Variants in SLC1A3 observed in about 807,000 individuals in gnomAD.
SLC1A3 encodes the protein solute carrier family 1 member 3, also known as excitatory amino acid transporter 1.
In SLC1A3, 21 loss-of-function variants were observed where a neutral mutation model predicts 48.1. That is an observed-to-expected ratio of 0.44 (90% CI 0.31 to 0.63). The LOEUF (loss-of-function observed/expected upper bound fraction) is 0.63, where lower values mean the gene tolerates loss of function less well. SLC1A3 is among the 20% of genes least tolerant of loss of function. The pLI is 0.08. For missense variants in SLC1A3, 546 were observed against 689.0 expected (o/e 0.79, Z 2.32); for synonymous variants, 239 against 251.4 (o/e 0.95, Z 0.47).
intron 3 of SLC1A3, among the ~76,000 whole-genome samples, chr5:36,654,657 A>G (rs1040167616): frequency 2.6e-5 from 4 of 152,172 alleles, no homozygotes; most frequent in Non-Finnish European, 5.9e-5. Context: ...AGCATCTGCC[A>G]TATGTCTTCA....
chr5:36,596,864 C>T (rs868130546), intron 1 of SLC1A3, among the ~76,000 whole-genome samples: 36 of 152,162 alleles, frequency 2.4e-4, no homozygotes, highest in African/African-American at 8.4e-4. Flanking sequence ...ACAGGTCTTC[C>T]TCTAATGGAA....
intron 3 of SLC1A3, among the ~76,000 whole-genome samples, chr5:36,658,600 T>C (rs1741377879): frequency 6.6e-6 from 1 of 152,208 alleles, no homozygotes; most frequent in Non-Finnish European, 1.5e-5. Flanking sequence ...TTTAGATTTC[T>C]AAGCAGTTTT....
chr5:36,676,837 A>G, intron 5 of SLC1A3, 55 bp from the exon 6 acceptor site: 2 of 1,384,392 alleles, frequency 1.4e-6, no homozygotes, highest in Admixed American at 2.2e-5. Context: ...ATAGGAAAAT[A>G]TAAAGAAAAA....
chr5:36,652,543 A>T (rs560656211), intron 3 of SLC1A3, among the ~76,000 whole-genome samples: 2 of 152,340 alleles, frequency 1.3e-5, no homozygotes, highest in Non-Finnish European at 2.9e-5. Flanking sequence ...CATCCTCTGC[A>T]TCAATAACAG....
intron 3 of SLC1A3, among the ~76,000 whole-genome samples, chr5:36,640,409 T>C (rs1305453525): frequency 1.3e-5 from 2 of 152,256 alleles, no homozygotes; most frequent in Non-Finnish European, 2.9e-5. Flanking sequence ...CATCAACTTC[T>C]ATACTACCAG....
At chr5:36,616,568 T>C (rs1739444793) in intron 2 of SLC1A3, among the ~76,000 whole-genome samples, 2 of 152,198 alleles carry the variant, frequency 1.3e-5, no homozygotes, top group Admixed American at 1.3e-4. Context: ...GTTTCCAGGC[T>C]ACAAACTGCT....
intron 3 of SLC1A3, among the ~76,000 whole-genome samples, chr5:36,665,584 T>C (rs961263790): frequency 6.6e-6 from 1 of 152,256 alleles, no homozygotes; most frequent in Non-Finnish European, 1.5e-5. Flanking sequence ...TAATAAGTAA[T>C]AATAACACCT....
intron 3 of SLC1A3, among the ~76,000 whole-genome samples, chr5:36,641,282 A>G (rs1019359818): frequency 1.3e-5 from 2 of 152,190 alleles, no homozygotes; most frequent in Non-Finnish European, 2.9e-5. Flanking sequence ...CAATTCTAAA[A>G]TGTATTGTAG....
intron 7 of SLC1A3, 60 bp from the exon 8 acceptor site, chr5:36,680,335 G>A (rs1436266924): frequency 9.1e-6 from 13 of 1,428,648 alleles, no homozygotes; most frequent in Non-Finnish European, 1.3e-5. Context: ...AAGACCAAAC[G>A]CACAGACAGT....
At chr5:36,644,014 A>AAAATAAAT (rs57649957) in intron 3 of SLC1A3, among the ~76,000 whole-genome samples, 133 of 101,786 alleles carry the variant, frequency 1.3e-3, no homozygotes, top group African/African-American at 3.1e-3. Context: ...TCCGTCTCAA[A>AAAATAAAT]AAATAAATAA....
intron 3 of SLC1A3, among the ~76,000 whole-genome samples, chr5:36,656,453 C>T (rs1741289269): frequency 6.6e-6 from 1 of 152,142 alleles, no homozygotes. Flanking sequence ...GTCTTTTCTC[C>T]ACATGAGCTA....
Position 36,680,453 on chromosome 5 carries a change from C to T in SLC1A3, c.1153C>T (p.Arg385Cys), listed in dbSNP as rs376919175. The T allele has an allele frequency of 2.3e-5, 37 of 1,614,056 alleles. No individual in the cohort carries two copies. Among genetic ancestry groups the T allele is most frequent in the African/African-American group, 4.0e-5 (3 of 74,918 alleles). Residue 385 changes from arginine to cysteine, a missense_variant, in exon 8 of 10, where the codon CGC becomes TGC. Transcript: ENST00000265113. ...GGAAGAGAACAATGGCGTGGACAAG[C>T]GCGTCACCAGATTCGTGCTCCCCGT... ...CLEENNGVDK[R>C]VTRFVLPVGA...
chr5:36,679,555 T>A, intron 6 of SLC1A3, 72 bp from the exon 7 acceptor site: 2 of 1,083,932 alleles, frequency 1.8e-6, no homozygotes, highest in Non-Finnish European at 2.9e-6. Flanking sequence ...CTTTTTCTTA[T>A]CACTTGGAAA....
At chr5:36,641,152 G>A (rs1472631493) in intron 3 of SLC1A3, among the ~76,000 whole-genome samples, 1 of 152,126 alleles carries the variant, frequency 6.6e-6, no homozygotes, top group Admixed American at 6.5e-5. Context: ...CTTTAGTATA[G>A]GATGATGCAA....
upstream of SLC1A3, among the ~76,000 whole-genome samples, chr5:36,601,830 C>A (rs776660996): frequency 4.6e-5 from 7 of 151,024 alleles, no homozygotes; most frequent in Non-Finnish European, 7.4e-5. Context: ...TTACTGACTT[C>A]CTTTCTCCAA....
intron 2 of SLC1A3, among the ~76,000 whole-genome samples, chr5:36,620,692 T>C (rs189293693): frequency 1.3e-5 from 2 of 152,330 alleles, no homozygotes; most frequent in Admixed American, 1.3e-4. Context: ...GGGCTTGATA[T>C]AGGTCAGTGA....
intron 3 of SLC1A3, among the ~76,000 whole-genome samples, chr5:36,641,770 A>T (rs1740625059): frequency 1.3e-5 from 2 of 152,214 alleles, no homozygotes; most frequent in Admixed American, 1.3e-4. Context: ...AAAATTCATA[A>T]CATTCTTATG....
chr5:36,596,731 G>C (rs1306149773), intron 1 of SLC1A3, among the ~76,000 whole-genome samples: 2 of 152,194 alleles, frequency 1.3e-5, no homozygotes, highest in African/African-American at 4.8e-5. Context: ...TCTAAAAAGA[G>C]TTTCCCTAAT....
Position 36,629,553 on chromosome 5 carries a change from G to A in SLC1A3, c.285G>A (p.Leu95=), listed in dbSNP as rs1316952869. 1 of 1,612,688 alleles carries A rather than the reference G, an allele frequency of 6.2e-7. No individual in the cohort carries two copies. Among genetic ancestry groups the A allele is most frequent in the Non-Finnish European group, 8.5e-7 (1 of 1,179,334 alleles). Residue 95 remains leucine (L), a synonymous_variant, in exon 3 of 10, where the codon CTG becomes CTA. Coordinates refer to ENST00000265113, the MANE Select transcript of SLC1A3 (RefSeq NM_004172.5). The stretch of plus-strand genomic sequence containing the variant: ...TTCTGATGAGGATGTTACAGATGCT[G>A]GTCTTACCACTTATCATCTCCAGTC... ...GELLMRMLQM[L]VLPLIISSLV...
Sources: allele counts gnomAD v4.1 joint callset (sites outside exome capture counted in the v4.1 genomes callset), GRCh38; gene constraint gnomAD v4.1.1; transcripts MANE v1.5; gene names NCBI Gene and HGNC (gene_info 2026-07-23, HGNC 2026-07-21).